ANKRA2: variants seen among roughly 807,000 people sequenced by gnomAD.
ANKRA2 encodes ankyrin repeat family A member 2, also known as ankyrin repeat family A protein 2.
In ANKRA2, 33 loss-of-function variants were observed where a neutral mutation model predicts 37.8. The ratio of observed to expected loss-of-function variants is 0.87; its 90% CI spans 0.66 to 1.17. The LOEUF is 1.17. Ranked by LOEUF, ANKRA2 falls within the 50% of genes most tolerant of loss-of-function variation. The pLI, the probability that ANKRA2 is intolerant of heterozygous loss-of-function variation, is 0.00. For synonymous variants in ANKRA2, 126 were observed against 132.3 expected (o/e 0.95, Z 0.33); for missense variants, 326 against 373.7 (o/e 0.87, Z 1.05).
chr5:73,559,104 G>C (rs1392865371), intron 3 of ANKRA2, among the ~76,000 whole-genome samples: 1 of 152,146 alleles, frequency 6.6e-6, no homozygotes, highest in East Asian at 1.9e-4. Flanking sequence ...AAAGCAATTG[G>C]TGTCCTATGC....
intron 8 of ANKRA2, 42 bp from the exon 9 acceptor site, chr5:73,552,894 A>AATAT (rs935137991): frequency 1.9e-5 from 28 of 1,481,170 alleles, no homozygotes; most frequent in Non-Finnish European, 2.4e-5. Context: ...CAGTGACTAT[A>AATAT]AAATTTCTTT....
At chr5:73,562,126 T>C (rs575682295) in intron 2 of ANKRA2, among the ~76,000 whole-genome samples, 45 of 152,084 alleles carry the variant, frequency 3.0e-4, no homozygotes, top group Non-Finnish European at 5.3e-4. Context: ...AAGCAATTCT[T>C]GTACCTCAGC....
Position 73,554,955 on chromosome 5 carries a change from C to A in ANKRA2, c.644G>T (p.Arg215Leu). 6.2e-7 allele frequency: 1 copy of A among 1,613,592 alleles called. No individual in the cohort carries two copies. The highest frequency in any genetic ancestry group is 1.3e-5 in the African/African-American group (1 of 75,016). ...ACAGGCCAACGACAGTGCACTTTCT[C>A]GACCTTTTCCTAAAAGTTGGGGATC... ...GADPQLLGKG[R>L]ESALSLACSK... The change falls in exon 6 of 9, where the codon CGA becomes CTA. Residue 215 changes from arginine to leucine, a missense_variant. This residue lies in a region of ANKRA2 where 228 missense variants were observed against 260.2 expected (regional missense o/e 0.88). Transcript: ENST00000296785.
intron 6 of ANKRA2, 74 bp from the exon 7 acceptor site, chr5:73,554,462 GT>G: frequency 1.0e-6 from 1 of 1,002,576 alleles, no homozygotes; most frequent in Non-Finnish European, 1.5e-6. Flanking sequence ...GCTGTAAGAA[GT>G]TTTACTAGAA....
intron 1 of ANKRA2, among the ~76,000 whole-genome samples, chr5:73,564,112 A>G (rs1265387745): frequency 6.3e-5 from 1 of 15,908 alleles, no homozygotes; most frequent in Non-Finnish European, 1.5e-4. Context: ...TATAGTAAGG[A>G]AAAAAAAAAA....
chr5:73,552,709 C>G lies in ANKRA2; in HGVS notation c.*88G>C. The G allele has an allele frequency of 8.1e-7, 1 of 1,237,018 alleles. No individual in the cohort carries two copies. The allele number at this position is 1,237,018 out of a possible 1,614,324, so 76.6% of individuals were successfully genotyped here. ...TACTAAAAACCAGTAAATATTGCAA[C>G]TGAGGTAAAAATTTATAAGTAAACA... On this transcript the variant is annotated 3_prime_UTR_variant, in exon 9 of 9. Coordinates refer to ENST00000296785, the MANE Select transcript of ANKRA2 (RefSeq NM_023039.5).
intron 1 of ANKRA2, among the ~76,000 whole-genome samples, chr5:73,563,222 T>A (rs1371713627): frequency 6.6e-6 from 1 of 152,210 alleles, no homozygotes; most frequent in African/African-American, 2.4e-5. Flanking sequence ...ATTTATAAAA[T>A]AGGGATATCA....
intron 5 of ANKRA2, 92 bp downstream of exon 5, chr5:73,555,394 ACC>A: frequency 6.5e-7 from 1 of 1,533,098 alleles, no homozygotes; most frequent in Non-Finnish European, 8.8e-7. Context: ...GGTAGCCTCT[ACC>A]ATTATATCTA....
intron 3 of ANKRA2, among the ~76,000 whole-genome samples, chr5:73,559,253 G>T (rs2112017004): frequency 6.6e-6 from 1 of 152,240 alleles, no homozygotes; most frequent in Non-Finnish European, 1.5e-5. Flanking sequence ...AACAGATTTT[G>T]TCATGCTTTA....
In ANKRA2 at chr5:73,565,591, G is replaced by A; in HGVS notation, c.-564C>T. 1 of 362,260 alleles carries A rather than the reference G, an allele frequency of 2.8e-6. No homozygotes were observed. The highest frequency in any genetic ancestry group is 5.5e-6 in the Non-Finnish European group (1 of 183,298). The allele number at this position is 362,260 out of a possible 1,614,324, so 22.4% of individuals were successfully genotyped here. ...GCCCATCCTGCCGGAGTACTACACA[G>A]ACAGGGTCATTTCAGTTGACGGTTC... On this transcript the variant is annotated 5_prime_UTR_variant, in exon 1 of 9. Coordinates refer to ENST00000296785, the MANE Select transcript of ANKRA2 (RefSeq NM_023039.5).
chr5:73,564,584 G>T (rs1747663353), intron 1 of ANKRA2, among the ~76,000 whole-genome samples: 1 of 151,998 alleles, frequency 6.6e-6, no homozygotes, highest in African/African-American at 2.4e-5. Context: ...TCCCAACATC[G>T]CTACTAACTA....
At position 73,562,710 on chromosome 5, in the gene ANKRA2, T is replaced by C. The variant is rs1169012160; in HGVS notation, c.172A>G (p.Asn58Asp). 2 of 1,614,104 alleles carry C rather than the reference T, an allele frequency of 1.2e-6. No individual in the cohort carries two copies. Among genetic ancestry groups the C allele is most frequent in the African/African-American group, 2.7e-5 (2 of 74,946 alleles). The change falls in exon 2 of 9, where the codon AAC becomes GAC. Residue 58 changes from asparagine to aspartate, a missense_variant. Around this residue, in one of 3 missense-constraint regions of ANKRA2, gnomAD observed 93 missense variants for 91.1 expected, o/e 1.02. Transcript: ENST00000296785. ...VAMGMKFILPNRFDMNVCSRF... is the reference protein window; with the variant it reads ...VAMGMKFILPDRFDMNVCSRF... ...GAACACACATTCATATCAAATCGGTTAGGCAATATGAATTTCATTCCCATG... is the reference window on the plus strand; with the variant it reads ...GAACACACATTCATATCAAATCGGTCAGGCAATATGAATTTCATTCCCATG...
chr5:73,565,574 T>G lies in ANKRA2; in HGVS notation c.-547A>C, dbSNP rs1382222508. 3.9e-6 allele frequency: 1 copy of G among 256,218 alleles called. No individual in the cohort carries two copies. The highest frequency in any genetic ancestry group is 2.3e-5 in the African/African-American group (1 of 44,206). 15.9% of individuals were successfully genotyped at this position (256,218 alleles called of 1,614,324 possible). A position where few individuals can be genotyped will look rare whatever the true frequency, so the allele number is the denominator to read the frequency against. On this transcript the variant is annotated 5_prime_UTR_variant, in exon 1 of 9. Coordinates refer to ENST00000296785, the MANE Select transcript of ANKRA2 (RefSeq NM_023039.5). The stretch of plus-strand genomic sequence containing the variant: ...CGCCTTTACGCTCCGAGGCCCATCC[T>G]GCCGGAGTACTACACAGACAGGGTC...
At chr5:73,559,677 C>T (rs1025538708) in intron 3 of ANKRA2, among the ~76,000 whole-genome samples, 1 of 152,072 alleles carries the variant, frequency 6.6e-6, no homozygotes, top group Non-Finnish European at 1.5e-5. Context: ...ACTATTTTTA[C>T]AGTAAAACTT....
intron 6 of ANKRA2, 38 bp downstream of exon 6, chr5:73,554,823 T>C: frequency 6.3e-7 from 1 of 1,593,598 alleles, no homozygotes; most frequent in South Asian, 1.1e-5. Context: ...ATTCTAAAAC[T>C]TGCTAGAGTC....
intron 4 of ANKRA2, among the ~76,000 whole-genome samples, chr5:73,556,093 A>G (rs1357313866): frequency 2.0e-5 from 3 of 152,238 alleles, no homozygotes; most frequent in Non-Finnish European, 2.9e-5. Flanking sequence ...TCCATAGCTA[A>G]CATTGCTGCC....
Position 73,552,565 on chromosome 5 carries a change from T to C in ANKRA2, c.*232A>G, listed in dbSNP as rs954618055. The C allele has an allele frequency of 7.2e-5, 29 of 401,968 alleles. No individual in the cohort carries two copies. Among genetic ancestry groups the C allele is most frequent in the Non-Finnish European group, 1.2e-4 (27 of 228,980 alleles). 24.9% of individuals were successfully genotyped at this position (401,968 alleles called of 1,614,324 possible). ...ATGATAACTATCTGTACCATAAAAATTTACATGCCACGAAAACATTAATTT... is the reference window on the plus strand; with the variant it reads ...ATGATAACTATCTGTACCATAAAAACTTACATGCCACGAAAACATTAATTT... On this transcript the variant is annotated 3_prime_UTR_variant, in exon 9 of 9. Coordinates refer to ENST00000296785, the MANE Select transcript of ANKRA2 (RefSeq NM_023039.5).
chr5:73,555,042 T>G (rs1002086086), intron 5 of ANKRA2, 56 bp from the exon 6 acceptor site: 3 of 1,571,052 alleles, frequency 1.9e-6, no homozygotes, highest in Non-Finnish European at 1.7e-6. Flanking sequence ...AAGAATATTG[T>G]TATTCCTGTC....
intron 2 of ANKRA2, 38 bp from the exon 3 acceptor site, chr5:73,561,326 T>G (rs373892656): frequency 1.2e-5 from 18 of 1,562,562 alleles, no homozygotes; most frequent in Non-Finnish European, 1.6e-5. Context: ...TAAAAGCATT[T>G]CAGTAAGAGT....
Sources: allele counts gnomAD v4.1 joint callset (sites outside exome capture counted in the v4.1 genomes callset), GRCh38; gene constraint gnomAD v4.1.1; regional missense constraint gnomAD v4.1.1; transcripts MANE v1.5; gene names NCBI Gene and HGNC (gene_info 2026-07-23, HGNC 2026-07-21).